KHDRBS2: variants seen among roughly 807,000 people sequenced by gnomAD.
KHDRBS2 encodes KH domain-containing, RNA-binding, signal transduction-associated protein 2.
Under a neutral mutation model 44.3 loss-of-function variants are expected in KHDRBS2, and 26 were observed. The observed-to-expected ratio is 0.59, with a 90% confidence interval of 0.43 to 0.81. KHDRBS2 has a LOEUF of 0.81. Among genes scored for constraint, KHDRBS2 ranks in the 40% least tolerant of loss-of-function variants. The pLI, the probability that KHDRBS2 is intolerant of heterozygous loss-of-function variation, is 0.00. For missense variants in KHDRBS2, 476 were observed against 433.1 expected (o/e 1.10, Z -0.88); for synonymous variants, 194 against 151.1 (o/e 1.28, Z -2.08).
At chr6:61,726,361 A>C (rs1773564668) in intron 7 of KHDRBS2, among the ~76,000 whole-genome samples, 2 of 152,192 alleles carry the variant, frequency 1.3e-5, no homozygotes, top group Non-Finnish European at 2.9e-5. Context: ...ACAAACTGGC[A>C]CAAGACAAGG....
At chr6:62,047,773 C>A in intron 3 of KHDRBS2, 105 bp downstream of exon 3, 1 of 720,098 alleles carries the variant, frequency 1.4e-6, no homozygotes, top group South Asian at 1.7e-5. Flanking sequence ...AAATGGAAAT[C>A]ATAGGAAATG....
chr6:61,843,168 G>A (rs1793847930), intron 6 of KHDRBS2, among the ~76,000 whole-genome samples: 1 of 151,896 alleles, frequency 6.6e-6, no homozygotes, highest in Admixed American at 6.6e-5. Context: ...TAGGGATTGG[G>A]GGCGGTGGAG....
chr6:62,238,540 T>C (rs1425911728), intron 1 of KHDRBS2, among the ~76,000 whole-genome samples: 20 of 152,120 alleles, frequency 1.3e-4, no homozygotes, highest in Admixed American at 1.2e-3. Flanking sequence ...AAAGAAAAAC[T>C]CTTATTTACA....
chr6:62,096,786 C>A (rs1198046958), intron 2 of KHDRBS2, among the ~76,000 whole-genome samples: 1 of 151,432 alleles, frequency 6.6e-6, no homozygotes, highest in Non-Finnish European at 1.5e-5. Flanking sequence ...TTTTCTAGTT[C>A]CTTGAGCTGC....
intron 3 of KHDRBS2, among the ~76,000 whole-genome samples, chr6:61,990,128 A>G (rs1160321700): frequency 6.6e-6 from 1 of 152,174 alleles, no homozygotes; most frequent in Non-Finnish European, 1.5e-5. Flanking sequence ...GAGATCTTCC[A>G]AACAAACCTC....
At chr6:62,059,217 T>TTTG (rs1791086915) in intron 2 of KHDRBS2, among the ~76,000 whole-genome samples, 1 of 128,614 alleles carries the variant, frequency 7.8e-6, no homozygotes, top group Non-Finnish European at 1.7e-5. Context: ...TTTTTTTTTT[T>TTTG]TTTTTTTTTT....
the KHDRBS2 span, among the ~76,000 whole-genome samples, chr6:61,547,378 CTCATTATCT>C: frequency 6.6e-6 from 1 of 151,992 alleles, no homozygotes; most frequent in Non-Finnish European, 1.5e-5. Flanking sequence ...ATAGTGTAAC[CTCATTATCT>C]TCCTTCAATA....
At chr6:62,105,397 C>T (rs1802955437) in intron 2 of KHDRBS2, among the ~76,000 whole-genome samples, 1 of 152,136 alleles carries the variant, frequency 6.6e-6, no homozygotes, top group Non-Finnish European at 1.5e-5. Flanking sequence ...GTTGTGAATC[C>T]ATCTGGTCCT....
rs1304614423 is a variant in KHDRBS2 at position 61,955,609 on chromosome 6, CGT to C, written c.483+22455_483+22456del. 1.1e-4 allele frequency among the ~76,000 whole-genome samples: 7 copies of C among 61,450 alleles called. 2 individuals are homozygous for C. The highest frequency in any genetic ancestry group is 2.8e-4 in the African/African-American group (3 of 10,558). The allele number at this position is 61,450 out of a possible 152,430, so 40.3% of individuals were successfully genotyped here. On this transcript the variant is annotated intron_variant, in intron 4 of 8. Coordinates refer to ENST00000281156, the MANE Select transcript of KHDRBS2 (RefSeq NM_152688.4). Reference sequence around the variant, plus strand: ...GTATGTATACATGTGTGTATATACACGTATGTATGTATGCATACATGTGTATA... The same window carrying C: ...GTATGTATACATGTGTGTATATACACATGTATGTATGCATACATGTGTATA...
intron 3 of KHDRBS2, among the ~76,000 whole-genome samples, chr6:61,983,468 G>C (rs1218918065): frequency 2.6e-5 from 4 of 151,856 alleles, no homozygotes; most frequent in African/African-American, 7.3e-5. Context: ...TAGCCTTTAA[G>C]ATAAGTAACA....
chr6:62,048,620 T>TA (rs1313173955), intron 2 of KHDRBS2, among the ~76,000 whole-genome samples: 2 of 151,826 alleles, frequency 1.3e-5, no homozygotes, highest in African/African-American at 2.4e-5. Context: ...ACATAAAAGT[T>TA]AAAAAACAGT....
chr6:62,213,704 C>A (rs1265204588), intron 1 of KHDRBS2, among the ~76,000 whole-genome samples: 2 of 151,546 alleles, frequency 1.3e-5, no homozygotes, highest in Non-Finnish European at 2.9e-5. Context: ...GCAACCCCGT[C>A]TCTACTAAAA....
At chr6:62,241,454 T>C (rs1834655224) in intron 1 of KHDRBS2, among the ~76,000 whole-genome samples, 1 of 152,154 alleles carries the variant, frequency 6.6e-6, no homozygotes, top group Admixed American at 6.6e-5. Context: ...ATAAAATAAA[T>C]TGATTACTAA....
the KHDRBS2 span, among the ~76,000 whole-genome samples, chr6:61,610,597 C>T: frequency 6.6e-6 from 1 of 152,140 alleles, no homozygotes. Context: ...CTTAGTTCCT[C>T]ACCATGTGGA....
intron 6 of KHDRBS2, among the ~76,000 whole-genome samples, chr6:61,768,811 GA>G (rs2127575365): frequency 6.6e-6 from 1 of 152,078 alleles, no homozygotes; most frequent in South Asian, 2.1e-4. Context: ...TCATTTACCT[GA>G]TTTTTTGGTC....
At chr6:62,034,027 A>G (rs1343742638) in intron 3 of KHDRBS2, among the ~76,000 whole-genome samples, 1 of 151,872 alleles carries the variant, frequency 6.6e-6, no homozygotes, top group Admixed American at 6.6e-5. Flanking sequence ...ATTTGTGGCT[A>G]TTAAGAGCAA....
intron 2 of KHDRBS2, among the ~76,000 whole-genome samples, chr6:62,153,488 C>T (rs1815671587): frequency 1.0e-5 from 1 of 98,070 alleles, no homozygotes; most frequent in African/African-American, 3.6e-5. Flanking sequence ...ACGTTTCAGC[C>T]TTTATATTTT....
rs144045148 is a variant in KHDRBS2 at position 62,009,207 on chromosome 6, G to A, written c.337-30995C>T. On this transcript the variant is annotated intron_variant, in intron 3 of 8. Coordinates refer to ENST00000281156, the MANE Select transcript of KHDRBS2 (RefSeq NM_152688.4). Reference sequence around the variant, plus strand: ...GATGAGGAACTTGTTGGGAACTGGAGTAAAGGTGACTCTCGTTATGTTTTT... The same window carrying A: ...GATGAGGAACTTGTTGGGAACTGGAATAAAGGTGACTCTCGTTATGTTTTT... Among the ~76,000 whole-genome samples, 1,379 of 152,310 alleles carry A rather than the reference G, an allele frequency of 9.1e-3. 19 individuals are homozygous for A. Among genetic ancestry groups the A allele is most frequent in the African/African-American group, 0.031 (1,287 of 41,554 alleles).
chr6:61,713,904 T>C (rs992231158), intron 7 of KHDRBS2, among the ~76,000 whole-genome samples: 2 of 151,778 alleles, frequency 1.3e-5, no homozygotes, highest in African/African-American at 4.8e-5. Context: ...CAAGATGTAT[T>C]AAAGTCTTAA....
Sources: gnomAD v4.1 joint callset for allele counts (sites outside exome capture counted in the v4.1 genomes callset) on GRCh38, gnomAD v4.1.1 for gene constraint, MANE v1.5 for transcripts, NCBI Gene and HGNC (gene_info 2026-07-23, HGNC 2026-07-21) for gene names.